PIP4K2A: variants seen among roughly 807,000 people sequenced by gnomAD.
PIP4K2A encodes phosphatidylinositol-5-phosphate 4-kinase type 2 alpha.
A neutral mutation model predicts 42.9 loss-of-function variants in PIP4K2A; 14 were observed. The ratio of observed to expected loss-of-function variants is 0.33; its 90% CI spans 0.22 to 0.51. The LOEUF is 0.51. Among genes scored for constraint, PIP4K2A ranks in the 20% least tolerant of loss-of-function variants. The probability of loss-of-function intolerance (pLI) is 0.97; values close to 1 mark genes in which losing one functional copy is unlikely to be tolerated. For synonymous variants in PIP4K2A, 192 were observed against 192.2 expected (o/e 1.00, Z 0.01); for missense variants, 434 against 519.8 (o/e 0.83, Z 1.61).
intron 1 of PIP4K2A, among the ~76,000 whole-genome samples, chr10:22,691,049 C>A (rs148317926): frequency 2.0e-3 from 303 of 152,212 alleles, no homozygotes; most frequent in Non-Finnish European, 3.4e-3. Flanking sequence ...GGTGGTGTCT[C>A]GATTTTACAA....
chr10:22,647,344 G>A (rs570657856), intron 1 of PIP4K2A, among the ~76,000 whole-genome samples: 43 of 151,924 alleles, frequency 2.8e-4, no homozygotes, highest in Non-Finnish European at 4.1e-4. Flanking sequence ...GTGTGTGCAC[G>A]CGCGTGTGCG....
At chr10:22,634,626 G>A (rs1838622274) in intron 1 of PIP4K2A, among the ~76,000 whole-genome samples, 1 of 152,146 alleles carries the variant, frequency 6.6e-6, no homozygotes, top group Non-Finnish European at 1.5e-5. Flanking sequence ...CCTTAAAGAA[G>A]GATGCACTTA....
At chr10:22,566,338 G>A (rs1836846908) in intron 6 of PIP4K2A, among the ~76,000 whole-genome samples, 1 of 152,100 alleles carries the variant, frequency 6.6e-6, no homozygotes, top group Admixed American at 6.5e-5. Flanking sequence ...GAATATCGGG[G>A]CAGGTTCCCC....
chr10:22,609,474 G>T lies in PIP4K2A; in HGVS notation c.242+146C>A, dbSNP rs981655850. 35 of 635,200 alleles carry T rather than the reference G, an allele frequency of 5.5e-5. No homozygotes were observed. The Admixed American group carries it at 7.0e-4, about 13-fold the overall frequency. The allele number at this position is 635,200 out of a possible 1,614,324, so 39.3% of individuals were successfully genotyped here. ...AGCCTGCTGTTGCTTCTCTAAAAAT[G>T]ACAGATGGTTATGTTTATCACAGGA... is the stretch of plus-strand genomic sequence containing the variant. On this transcript the variant is annotated intron_variant, in intron 2 of 9. Transcript: ENST00000376573.
At chr10:22,625,460 C>T (rs931352631) in intron 1 of PIP4K2A, among the ~76,000 whole-genome samples, 5 of 152,094 alleles carry the variant, frequency 3.3e-5, no homozygotes, top group East Asian at 3.8e-4. Flanking sequence ...ACATGTTATT[C>T]GTATGCCCTG....
chr10:22,552,906 G>A (rs1385383988), intron 6 of PIP4K2A, among the ~76,000 whole-genome samples: 1 of 152,104 alleles, frequency 6.6e-6, no homozygotes, highest in East Asian at 1.9e-4. Flanking sequence ...GTATAAATGT[G>A]AGAAACCTGA....
At chr10:22,664,060 T>TATACACACACACAC (rs570101374) in intron 1 of PIP4K2A, among the ~76,000 whole-genome samples, 1 of 83,100 alleles carries the variant, frequency 1.2e-5, no homozygotes, top group African/African-American at 9.7e-5. Flanking sequence ...TATGTATATA[T>TATACACACACACAC]ACATATATAT....
intron 1 of PIP4K2A, among the ~76,000 whole-genome samples, chr10:22,689,399 A>C (rs964551174): frequency 6.6e-6 from 1 of 152,208 alleles, no homozygotes; most frequent in Non-Finnish European, 1.5e-5. Flanking sequence ...ATCCGATGGA[A>C]AATGTAACTA....
At position 22,711,769 on chromosome 10, in the gene PIP4K2A, A is replaced by G. The variant is rs377158054; in HGVS notation, c.144+2414T>C. 2.9e-4 allele frequency among the ~76,000 whole-genome samples: 44 copies of G among 152,380 alleles called. No individual in the cohort carries two copies. In the East Asian group the frequency reaches 6.5e-3, roughly 23 times the overall value. Reference sequence around the variant, plus strand: ...AACTTTGGTGCACAGAAGGTCATATAAAACATTTATCTAATATCAGACATT... The same window carrying G: ...AACTTTGGTGCACAGAAGGTCATATGAAACATTTATCTAATATCAGACATT... On this transcript the variant is annotated intron_variant, in intron 1 of 9. Transcript: ENST00000376573.
rs1459935816 is a variant in PIP4K2A, at chr10:22,548,829, T to A, written c.792+1830A>T. Among the ~76,000 whole-genome samples the A allele has an allele frequency of 7.2e-5, 11 of 151,938 alleles. No homozygotes were observed. In the East Asian group the frequency reaches 1.4e-3, roughly 19 times the overall value. On this transcript the variant is annotated intron_variant, in intron 7 of 9. Coordinates refer to ENST00000376573, the MANE Select transcript of PIP4K2A (RefSeq NM_005028.5). ...GGGAGGCTGAGGTGGGAGGATTGCT[T>A]GAGGCCAGGAGTTCAAGACCAGCCT...
intron 1 of PIP4K2A, among the ~76,000 whole-genome samples, chr10:22,674,634 GA>G (rs1244839464): frequency 1.3e-5 from 2 of 151,812 alleles, no homozygotes; most frequent in Non-Finnish European, 2.9e-5. Flanking sequence ...AACCACTAAC[GA>G]ATTTTGTTTT....
At chr10:22,545,284 C>T (rs571914383) in intron 7 of PIP4K2A, among the ~76,000 whole-genome samples, 66 of 152,338 alleles carry the variant, frequency 4.3e-4, no homozygotes, top group African/African-American at 6.0e-4. Context: ...GCAAAGGAAG[C>T]GCAAGGTGAC....
At chr10:22,596,676 G>A (rs749702523) in intron 3 of PIP4K2A, among the ~76,000 whole-genome samples, 13 of 152,228 alleles carry the variant, frequency 8.5e-5, no homozygotes, top group Non-Finnish European at 1.5e-4. Context: ...AGGTGCCCCC[G>A]AGGGGTCCCT....
chr10:22,554,795 T>G (rs1197744315), intron 6 of PIP4K2A, among the ~76,000 whole-genome samples: 3 of 152,194 alleles, frequency 2.0e-5, no homozygotes, highest in Non-Finnish European at 4.4e-5. Context: ...AGGGAACTGC[T>G]CTTCCCCACC....
At chr10:22,706,466 T>C (rs1384198387) in intron 1 of PIP4K2A, among the ~76,000 whole-genome samples, 1 of 152,214 alleles carries the variant, frequency 6.6e-6, no homozygotes, top group Non-Finnish European at 1.5e-5. Context: ...TCTCCCAAAC[T>C]GCCTCATGTC....
chr10:22,644,182 TC>T (rs1406968539), intron 1 of PIP4K2A, among the ~76,000 whole-genome samples: 2 of 152,078 alleles, frequency 1.3e-5, no homozygotes, highest in African/African-American at 4.8e-5. Flanking sequence ...GAGTAGCACC[TC>T]CATGCACAGA....
At chr10:22,630,210 C>T (rs1302719244) in intron 1 of PIP4K2A, among the ~76,000 whole-genome samples, 3 of 150,934 alleles carry the variant, frequency 2.0e-5, no homozygotes, top group Non-Finnish European at 2.9e-5. Context: ...GTGGCATGCA[C>T]TTGTGGTCCC....
intron 1 of PIP4K2A, among the ~76,000 whole-genome samples, chr10:22,641,756 C>T (rs553340155): frequency 6.6e-6 from 1 of 152,200 alleles, no homozygotes; most frequent in African/African-American, 2.4e-5. Flanking sequence ...CCCCCATGCC[C>T]GGCCTACCTT....
chr10:22,625,331 A>G (rs1031092502), intron 1 of PIP4K2A, among the ~76,000 whole-genome samples: 23 of 152,174 alleles, frequency 1.5e-4, no homozygotes, highest in African/African-American at 4.1e-4. Flanking sequence ...AGAGCAAAAG[A>G]TTTTCTGTAG....
Sources: gnomAD v4.1 joint callset for allele counts (sites outside exome capture counted in the v4.1 genomes callset) on GRCh38, gnomAD v4.1.1 for gene constraint, MANE v1.5 for transcripts, NCBI Gene and HGNC (gene_info 2026-07-23, HGNC 2026-07-21) for gene names.